Variants in FNDC3B observed in about 807,000 individuals in gnomAD.
FNDC3B encodes the protein fibronectin type III domain-containing protein 3B.
FNDC3B carries 12 observed loss-of-function variants against 151.5 expected under a neutral mutation model. That is an observed-to-expected ratio of 0.08 (90% CI 0.05 to 0.13). FNDC3B has a LOEUF of 0.13. FNDC3B is among the 10% of genes least tolerant of loss of function. The pLI, the probability that FNDC3B is intolerant of heterozygous loss-of-function variation, is 1.00. For missense variants in FNDC3B, 1,214 were observed against 1,505.3 expected, an observed-to-expected ratio of 0.81 and a Z score of 3.20; for synonymous variants, 528 against 549.0, an observed-to-expected ratio of 0.96 and a Z score of 0.54.
chr3:172,311,309 A>G (rs1020968028), intron 11 of FNDC3B, among the ~76,000 whole-genome samples: 3 of 152,312 alleles, frequency 2.0e-5, no homozygotes, highest in African/African-American at 7.2e-5. Context: ...TACACTGTTG[A>G]GTGGCCTCTG....
intron 6 of FNDC3B, among the ~76,000 whole-genome samples, chr3:172,279,261 C>T (rs1201423993): frequency 6.6e-5 from 10 of 152,086 alleles, no homozygotes; most frequent in Non-Finnish European, 1.5e-5. Flanking sequence ...CCAGTGAATT[C>T]CAGAAATAGC....
At position 172,320,247 on chromosome 3, in the gene FNDC3B, G is replaced by A. The variant is rs1006997014; in HGVS notation, c.1255-8705G>A. On this transcript the variant is annotated intron_variant, in intron 11 of 25. Transcript: ENST00000415807. ...ATACAAAAATTAGCCGGGCATGGTG[G>A]CGCACTCCTGTAATCCCAGTTGCTT... Among the ~76,000 whole-genome samples the A allele has an allele frequency of 2.0e-5, 3 of 152,240 alleles. No homozygotes were observed. The East Asian group carries it at 5.8e-4, about 29-fold the overall frequency.
intron 6 of FNDC3B, among the ~76,000 whole-genome samples, chr3:172,253,149 T>A (rs1410275143): frequency 2.0e-5 from 3 of 152,230 alleles, no homozygotes; most frequent in Admixed American, 6.5e-5. Context: ...TTTAATAATT[T>A]TCACCTTGCC....
Position 172,059,856 on chromosome 3 carries a change from A to G in FNDC3B, c.-29+20085A>G, listed in dbSNP as rs6763687. Among the ~76,000 whole-genome samples, 21 of 152,050 alleles carry G rather than the reference A, an allele frequency of 1.4e-4. No individual in the cohort carries two copies. The East Asian group carries it at 4.1e-3, about 29-fold the overall frequency. On this transcript the variant is annotated intron_variant, in intron 1 of 25. Transcript: ENST00000415807. ...TCCAGTGAATTAAAACTTTTAGGTA[A>G]ATAGAGGGCATGTATTACTTATTCC...
intron 1 of FNDC3B, among the ~76,000 whole-genome samples, chr3:172,078,708 G>A (rs1718140742): frequency 6.6e-6 from 1 of 152,232 alleles, no homozygotes; most frequent in Admixed American, 6.5e-5. Context: ...TACTTTGGTT[G>A]AGGGCAATCT....
intron 6 of FNDC3B, among the ~76,000 whole-genome samples, chr3:172,284,753 C>T (rs1729918929): frequency 6.7e-6 from 1 of 148,864 alleles, no homozygotes; most frequent in Non-Finnish European, 1.5e-5. Context: ...GTTACCTTTA[C>T]TACAGCACCC....
Position 172,357,784 on chromosome 3 carries a change from TGTTA to T in FNDC3B, c.2795+4705_2795+4708del, listed in dbSNP as rs1470182736. On this transcript the variant is annotated intron_variant, in intron 22 of 25. Coordinates refer to ENST00000415807, the MANE Select transcript of FNDC3B (RefSeq NM_022763.4). ...TTACATCATCATTAGAAATAATTAATGTTAGTTCAGTGCATCAGCTGTACACGTA... is the reference window on the plus strand; with the variant it reads ...TTACATCATCATTAGAAATAATTAATGTTCAGTGCATCAGCTGTACACGTA... Among the ~76,000 whole-genome samples, 4 of 152,186 alleles carry T rather than the reference TGTTA, an allele frequency of 2.6e-5. No individual in the cohort carries two copies. In the East Asian group the frequency reaches 5.8e-4, roughly 22 times the overall value.
intron 23 of FNDC3B, among the ~76,000 whole-genome samples, chr3:172,373,442 G>A (rs1467748914): frequency 1.3e-5 from 2 of 152,172 alleles, no homozygotes; most frequent in Non-Finnish European, 2.9e-5. Context: ...AAGAGGACTA[G>A]GAAAGCTCGA....
chr3:172,337,543 A>G, intron 16 of FNDC3B, 142 bp downstream of exon 16: 1 of 601,650 alleles, frequency 1.7e-6, no homozygotes, highest in East Asian at 2.9e-5. Flanking sequence ...TTAGTCACAT[A>G]TTGGCAGTTT....
At chr3:172,144,809 TTGTGAGGCAAGAC>T (rs1721816612) in intron 3 of FNDC3B, among the ~76,000 whole-genome samples, 1 of 152,286 alleles carries the variant, frequency 6.6e-6, no homozygotes, top group African/African-American at 2.4e-5. Flanking sequence ...TGCACACTAT[TTGTGAGGCAAGAC>T]TGCTGAGTTA....
chr3:172,063,432 C>G (rs1292112225), intron 1 of FNDC3B, among the ~76,000 whole-genome samples: 3 of 152,186 alleles, frequency 2.0e-5, no homozygotes, highest in Non-Finnish European at 4.4e-5. Flanking sequence ...AAGGATAATT[C>G]TGTCAACGTT....
chr3:172,104,484 C>CT (rs542753552), intron 1 of FNDC3B, among the ~76,000 whole-genome samples: 33 of 151,470 alleles, frequency 2.2e-4, no homozygotes, highest in Admixed American at 3.9e-4. Context: ...TCTCCATATC[C>CT]TTTTTTTGTG....
chr3:172,049,868 T>C (rs1716556450), intron 1 of FNDC3B, among the ~76,000 whole-genome samples: 1 of 152,210 alleles, frequency 6.6e-6, no homozygotes, highest in African/African-American at 2.4e-5. Context: ...TCATTAGTAC[T>C]GTGGAAAAAC....
intron 1 of FNDC3B, among the ~76,000 whole-genome samples, chr3:172,041,449 C>CT (rs1386199242): frequency 2.2e-5 from 3 of 139,262 alleles, no homozygotes; most frequent in Non-Finnish European, 4.6e-5. Flanking sequence ...TTCCTTCCTT[C>CT]CTTCTCTTCT....
intron 1 of FNDC3B, among the ~76,000 whole-genome samples, chr3:172,098,741 C>A (rs145266030): frequency 6.6e-6 from 1 of 151,996 alleles, no homozygotes. Context: ...GGGAAGAACT[C>A]GGGGGAATGG....
intron 3 of FNDC3B, among the ~76,000 whole-genome samples, chr3:172,159,763 G>A (rs142501182): frequency 2.6e-4 from 40 of 152,288 alleles, no homozygotes; most frequent in African/African-American, 9.6e-4. Context: ...AAAAGGTTTT[G>A]AGAAAAAAGT....
rs1484909696 is a variant in FNDC3B, at chr3:172,289,384, C to G, written c.849+3400C>G. 2.7e-5 allele frequency among the ~76,000 whole-genome samples: 4 copies of G among 150,708 alleles called. No individual in the cohort carries two copies. The East Asian group carries it at 7.8e-4, about 29-fold the overall frequency. On this transcript the variant is annotated intron_variant, in intron 7 of 25. Coordinates refer to ENST00000415807, the MANE Select transcript of FNDC3B (RefSeq NM_022763.4). ...AGTCTCCCCTTCACGAGAGCCTTAA[C>G]TTGGTCACACCTTCAAAGTCCCTTT... is the stretch of plus-strand genomic sequence containing the variant.
chr3:172,277,050 C>G (rs1729467835), intron 6 of FNDC3B, among the ~76,000 whole-genome samples: 1 of 152,140 alleles, frequency 6.6e-6, no homozygotes, highest in Non-Finnish European at 1.5e-5. Flanking sequence ...AGGAGAAGCT[C>G]CTTGTTCTCA....
In FNDC3B at chr3:172,307,420, C is replaced by G. The variant is rs745967997; in HGVS notation, c.1119C>G (p.Thr373=). 1 of 1,614,138 alleles carries G rather than the reference C, an allele frequency of 6.2e-7. No individual in the cohort carries two copies. The highest frequency in any genetic ancestry group is 1.1e-5 in the South Asian group (1 of 91,084). Residue 373 remains threonine, a synonymous_variant, in exon 10 of 26, where the codon ACC becomes ACG. Coordinates refer to ENST00000415807, the MANE Select transcript of FNDC3B (RefSeq NM_022763.4). ...KGSCSEPVSF[T]THSCAPECPF... The stretch of plus-strand genomic sequence containing the variant: ...CCTGCTCCGAGCCTGTTAGCTTCAC[C>G]ACCCACAGCTGTGCACCCGAGTGTC...
Sources: gnomAD v4.1 joint callset for allele counts (sites outside exome capture counted in the v4.1 genomes callset) on GRCh38, gnomAD v4.1.1 for gene constraint, MANE v1.5 for transcripts, NCBI Gene and HGNC (gene_info 2026-07-23, HGNC 2026-07-21) for gene names.